PRRX1: variants seen among roughly 807,000 people sequenced by gnomAD.
PRRX1 encodes paired mesoderm homeobox protein 1.
In PRRX1, 8 loss-of-function variants were observed where a neutral mutation model predicts 24.0. The ratio of observed to expected loss-of-function variants is 0.33; its 90% confidence interval spans 0.20 to 0.60. The LOEUF (loss-of-function observed/expected upper bound fraction) is 0.60. PRRX1 is among the 20% of genes least tolerant of loss of function. PRRX1 has a pLI of 0.82. For synonymous variants in PRRX1, 160 were observed against 131.7 expected, an observed-to-expected ratio of 1.22 and a Z score of -1.47; for missense variants, 281 against 322.4, an observed-to-expected ratio of 0.87 and a Z score of 0.98.
At chr1:170,716,811 A>C (rs1375010036) in intron 1 of PRRX1, among the ~76,000 whole-genome samples, 1 of 152,198 alleles carries the variant, frequency 6.6e-6, no homozygotes, top group Admixed American at 6.5e-5. Flanking sequence ...CCCTGTATTC[A>C]ACCAGAGCCA....
At chr1:170,670,435 C>A (rs1035534771) in intron 1 of PRRX1, among the ~76,000 whole-genome samples, 1 of 152,106 alleles carries the variant, frequency 6.6e-6, no homozygotes, top group Non-Finnish European at 1.5e-5. Context: ...ATTCTAAAAT[C>A]AATAAGTTAG....
intron 3 of PRRX1, 79 bp downstream of exon 3, chr1:170,726,480 A>G: frequency 6.7e-7 from 1 of 1,503,404 alleles, no homozygotes; most frequent in Admixed American, 1.7e-5. Flanking sequence ...CTGCTTGTGC[A>G]GCTCACCGAC....
chr1:170,711,947 T>C (rs1264674396), intron 1 of PRRX1, among the ~76,000 whole-genome samples: 2 of 152,238 alleles, frequency 1.3e-5, no homozygotes, highest in African/African-American at 4.8e-5. Flanking sequence ...CATTTCTTTT[T>C]AAAAGAGTCA....
At chr1:170,690,291 C>T (rs534816820) in intron 1 of PRRX1, among the ~76,000 whole-genome samples, 5 of 151,984 alleles carry the variant, frequency 3.3e-5, no homozygotes, top group African/African-American at 9.7e-5. Flanking sequence ...ATGGCTTCTG[C>T]GATGGAGTCA....
chr1:170,730,897 A>T (rs1655412924), intron 3 of PRRX1, among the ~76,000 whole-genome samples: 2 of 152,180 alleles, frequency 1.3e-5, no homozygotes. Flanking sequence ...CTTCAAAAAA[A>T]GTCTTGCAAC....
intron 2 of PRRX1, among the ~76,000 whole-genome samples, chr1:170,720,485 C>A (rs750798038): frequency 5.9e-5 from 9 of 152,136 alleles, no homozygotes; most frequent in Non-Finnish European, 1.2e-4. Context: ...CCTCTCCCAG[C>A]ACCCCTTTCT....
chr1:170,691,075 A>G (rs1346541307), intron 1 of PRRX1, among the ~76,000 whole-genome samples: 1 of 152,146 alleles, frequency 6.6e-6, no homozygotes, highest in African/African-American at 2.4e-5. Flanking sequence ...TGTGTTTTTG[A>G]AAGCTATCGA....
chr1:170,701,002 G>T (rs964018816), intron 1 of PRRX1, among the ~76,000 whole-genome samples: 1 of 152,140 alleles, frequency 6.6e-6, no homozygotes, highest in Non-Finnish European at 1.5e-5. Flanking sequence ...TCATAGGGCT[G>T]TTATGAGGAA....
At position 170,719,831 on chromosome 1, in the gene PRRX1, C is replaced by T; in HGVS notation, c.347C>T (p.Thr116Ile). 3 of 1,614,196 alleles carry T rather than the reference C, an allele frequency of 1.9e-6. No individual in the cohort carries two copies. The highest frequency in any genetic ancestry group is 1.7e-6 in the Non-Finnish European group (2 of 1,180,034). Residue 116 changes from threonine (T) to isoleucine (I), a missense_variant, in exon 2 of 4, where the codon ACA becomes ATA. Physicochemically the swap from Thr to Ile is moderately conservative, Grantham distance 89 (BLOSUM62 -1). Coordinates refer to ENST00000239461, the MANE Select transcript of PRRX1 (RefSeq NM_022716.4). ...LQALERVFER[T>I]HYPDAFVRED... Reference sequence around the variant, plus strand: ...GCTTTGGAGCGTGTCTTTGAGCGGACACACTATCCTGATGCTTTTGTGCGA... The same window carrying T: ...GCTTTGGAGCGTGTCTTTGAGCGGATACACTATCCTGATGCTTTTGTGCGA...
intron 1 of PRRX1, among the ~76,000 whole-genome samples, chr1:170,690,163 G>A (rs867719316): frequency 6.6e-6 from 1 of 150,674 alleles, no homozygotes; most frequent in Non-Finnish European, 1.5e-5. Flanking sequence ...CACCTATAAT[G>A]TCCCACGCAC....
intron 3 of PRRX1, chr1:170,730,653 C>T (rs1655406134): frequency 6.3e-6 from 2 of 319,316 alleles, no homozygotes; most frequent in East Asian, 1.4e-4. Flanking sequence ...CTCTAACTTG[C>T]TTCTAGGTGA....
intron 1 of PRRX1, among the ~76,000 whole-genome samples, chr1:170,718,393 A>G (rs1297292455): frequency 6.6e-6 from 1 of 152,210 alleles, no homozygotes; most frequent in Non-Finnish European, 1.5e-5. Flanking sequence ...CATTCCCTCA[A>G]TTTGTAATAA....
rs528663305 is a variant in PRRX1, at chr1:170,690,272, C to T, written c.241+25813C>T. Among the ~76,000 whole-genome samples the T allele has an allele frequency of 2.7e-3, 416 of 152,172 alleles. 1 individual carries two copies. The highest frequency in any genetic ancestry group is 5.2e-3 in the Non-Finnish European group (355 of 67,996). ...GATAGACATATGAACCCTAAATCAG[C>T]TGCATGTTATGGCTTCTGCGATGGA... On this transcript the variant is annotated intron_variant, in intron 1 of 3. Transcript: ENST00000239461.
At chr1:170,724,912 G>A (rs1181905835) in intron 2 of PRRX1, among the ~76,000 whole-genome samples, 1 of 152,126 alleles carries the variant, frequency 6.6e-6, no homozygotes, top group Non-Finnish European at 1.5e-5. Context: ...CTATCCATGA[G>A]CATAGAATGT....
At chr1:170,664,088 C>CCCCTCTCTCTCT (rs1652821880), upstream of PRRX1, 5 of 665,662 alleles carry the variant, frequency 7.5e-6, no homozygotes, top group Non-Finnish European at 1.1e-5. Flanking sequence ...CCTCTTCCTC[C>CCCCTCTCTCTCT]CTCTCTCTCT....
At chr1:170,678,704 T>C (rs1022097123) in intron 1 of PRRX1, among the ~76,000 whole-genome samples, 1 of 152,172 alleles carries the variant, frequency 6.6e-6, no homozygotes. Flanking sequence ...CTAGGAAGAT[T>C]TTCTTTTGGC....
intron 3 of PRRX1, chr1:170,730,403 A>G: frequency 6.9e-7 from 1 of 1,456,176 alleles, no homozygotes; most frequent in South Asian, 1.1e-5. Flanking sequence ...TTAAGTGGGA[A>G]TTCAGAGTGT....
chr1:170,684,330 G>A (rs1362782886), intron 1 of PRRX1, among the ~76,000 whole-genome samples: 2 of 152,142 alleles, frequency 1.3e-5, no homozygotes, highest in Non-Finnish European at 2.9e-5. Flanking sequence ...TTTTCTTGTA[G>A]TTTCTTACAG....
rs1655670105 is a variant in PRRX1 at position 170,737,790 on chromosome 1, T to C, written c.*1604T>C. 1 of 219,744 alleles carries C rather than the reference T, an allele frequency of 4.6e-6. No individual in the cohort carries two copies. Among genetic ancestry groups the C allele is most frequent in the South Asian group, 1.9e-4 (1 of 5,402 alleles). The allele number at this position is 219,744 out of a possible 1,614,324, so 13.6% of individuals were successfully genotyped here. Reference sequence around the variant, plus strand: ...TGCCTCAGTTTACCCATTTGTAAAATGGGATTAATAATACTTACCTACCTC... The same window carrying C: ...TGCCTCAGTTTACCCATTTGTAAAACGGGATTAATAATACTTACCTACCTC... On this transcript the variant is annotated 3_prime_UTR_variant, in exon 4 of 4. Transcript: ENST00000239461.
Sources: gnomAD v4.1 joint callset for allele counts (sites outside exome capture counted in the v4.1 genomes callset) on GRCh38, gnomAD v4.1.1 for gene constraint, MANE v1.5 for transcripts, NCBI Gene and HGNC (gene_info 2026-07-23, HGNC 2026-07-21) for gene names.